PDE9A: variants seen among roughly 807,000 people sequenced by gnomAD.
PDE9A encodes phosphodiesterase 9A, also known as high affinity cGMP-specific 3',5'-cyclic phosphodiesterase 9A.
Under a neutral mutation model 87.4 loss-of-function variants are expected in PDE9A, and 60 were observed. The ratio of observed to expected loss-of-function variants is 0.69; its 90% CI spans 0.56 to 0.85. PDE9A has a LOEUF of 0.85. Among genes scored for constraint, PDE9A ranks in the 40% least tolerant of loss-of-function variants. PDE9A has a pLI of 0.00. For missense variants in PDE9A, 665 were observed against 779.0 expected (o/e 0.85, Z 1.74); for synonymous variants, 272 against 279.4 (o/e 0.97, Z 0.27).
chr21:42,765,845 C>G (rs894585933), intron 15 of PDE9A, among the ~76,000 whole-genome samples: 4 of 152,218 alleles, frequency 2.6e-5, no homozygotes, highest in Non-Finnish European at 5.9e-5. Flanking sequence ...GAAAGCCCAC[C>G]TATGTGGGGG....
At chr21:42,674,110 C>A (rs2058706986) in intron 1 of PDE9A, among the ~76,000 whole-genome samples, 1 of 152,142 alleles carries the variant, frequency 6.6e-6, no homozygotes, top group Non-Finnish European at 1.5e-5. Context: ...CAAGGTAACA[C>A]AGGCGACCAG....
intron 4 of PDE9A, among the ~76,000 whole-genome samples, chr21:42,712,068 C>CAA (rs60923158): frequency 0.011 from 1,552 of 147,110 alleles, 17 homozygotes; most frequent in Middle Eastern, 0.021. Context: ...TTGTCAATTT[C>CAA]AAAAAAAAAA....
chr21:42,704,539 C>T lies in PDE9A; in HGVS notation c.262+5528C>T, dbSNP rs1261944912. Among the ~76,000 whole-genome samples, 2 of 152,066 alleles carry T rather than the reference C, an allele frequency of 1.3e-5. No individual in the cohort carries two copies. The highest frequency in any genetic ancestry group is 2.9e-5 in the Non-Finnish European group (2 of 68,002). ...GGTTTGTCCTTAGGAATTCTTCACT[C>T]TCTCTATGGCAACAACCTTCCCTCT... On this transcript the variant is annotated intron_variant, in intron 4 of 19. Coordinates refer to ENST00000291539, the MANE Select transcript of PDE9A (RefSeq NM_002606.3). This position sits in a 1 kb window ranked among gnomAD's most constrained non-coding sequence, Gnocchi z 5.3.
Position 42,704,636 on chromosome 21 carries a change from C to T in PDE9A, c.262+5625C>T, listed in dbSNP as rs538031668. The stretch of plus-strand genomic sequence containing the variant: ...GGTCAGGAGTTAGCTCTAGCGACGC[C>T]GCCCTGAGTTCTGGCCTGTAAGCAA... On this transcript the variant is annotated intron_variant, in intron 4 of 19. Transcript: ENST00000291539. The surrounding 1 kb of genome is among the most constrained non-coding windows in gnomAD (Gnocchi z 5.3). Among the ~76,000 whole-genome samples the T allele has an allele frequency of 6.6e-6, 1 of 152,210 alleles. No individual in the cohort carries two copies. The highest frequency in any genetic ancestry group is 6.5e-5 in the Admixed American group (1 of 15,288).
intron 8 of PDE9A, among the ~76,000 whole-genome samples, chr21:42,748,576 A>C (rs1020964315): frequency 6.6e-6 from 1 of 152,216 alleles, no homozygotes; most frequent in Non-Finnish European, 1.5e-5. Flanking sequence ...GAAAACCTCC[A>C]AACTACACTG....
In PDE9A at chr21:42,705,041, C is replaced by T. The variant is rs371915041; in HGVS notation, c.262+6030C>T. ...ACAACCCCAGTGTGAGCTGCAGAGA[C>T]TTCTCTGGAGCGGTGAACAGCTCCT... On this transcript the variant is annotated intron_variant, in intron 4 of 19. Coordinates refer to ENST00000291539, the MANE Select transcript of PDE9A (RefSeq NM_002606.3). This position sits in a 1 kb window ranked among gnomAD's most constrained non-coding sequence, Gnocchi z 4.3. Among the ~76,000 whole-genome samples, 19 of 152,342 alleles carry T rather than the reference C, an allele frequency of 1.2e-4. No homozygotes were observed. In the South Asian group the frequency reaches 1.9e-3, roughly 15 times the overall value.
At chr21:42,697,512 TTCA>T (rs1341171902) in intron 3 of PDE9A, 1 of 1,460,894 alleles carries the variant, frequency 6.8e-7, no homozygotes, top group Non-Finnish European at 9.6e-7. Flanking sequence ...CATGTTTGTC[TTCA>T]TCTTCTTAAC....
chr21:42,673,796 C>T (rs996481048), intron 1 of PDE9A, among the ~76,000 whole-genome samples: 15 of 152,154 alleles, frequency 9.9e-5, no homozygotes, highest in African/African-American at 3.6e-4. Flanking sequence ...CTGCCTGCAC[C>T]GCTTTGCAGA....
At chr21:42,769,360 C>T (rs1292609813) in intron 17 of PDE9A, among the ~76,000 whole-genome samples, 2 of 150,522 alleles carry the variant, frequency 1.3e-5, no homozygotes, top group African/African-American at 4.9e-5. Flanking sequence ...CACACACAGG[C>T]ACACACTTGT....
chr21:42,654,457 G>A (rs919486695), intron 1 of PDE9A, among the ~76,000 whole-genome samples: 1 of 152,190 alleles, frequency 6.6e-6, no homozygotes, highest in Non-Finnish European at 1.5e-5. Flanking sequence ...TAGCGGACTT[G>A]AGTTACACGG....
rs375760902 is a variant in PDE9A, at chr21:42,687,946, A to G, written c.170A>G (p.Asp57Gly). 7.4e-6 allele frequency: 12 copies of G among 1,612,996 alleles called. No homozygotes were observed. The highest frequency in any genetic ancestry group is 1.0e-5 in the Non-Finnish European group (12 of 1,180,000). ...RNTTISLLTT[D>G]DAMVSIDPTM... ...ACGACCATCTCCCTGCTGACCACCG[A>G]CGACGCCATGGTCTCCATCGACCCC... Residue 57 changes from aspartate to glycine, a missense_variant, in exon 3 of 20, where the codon GAC (aspartate) becomes GGC (glycine). By Grantham distance (94) the Asp-to-Gly change is moderately conservative. Coordinates refer to ENST00000291539, the MANE Select transcript of PDE9A (RefSeq NM_002606.3).
At position 42,696,890 on chromosome 21, in the gene PDE9A, T is replaced by C. The variant is rs373224759; in HGVS notation, c.219-2078T>C. 6.6e-6 allele frequency among the ~76,000 whole-genome samples: 1 copy of C among 152,094 alleles called. No homozygotes were observed. On this transcript the variant is annotated intron_variant, in intron 3 of 19. Transcript: ENST00000291539. This position sits in a 1 kb window ranked among gnomAD's most constrained non-coding sequence, Gnocchi z 5.1. The stretch of plus-strand genomic sequence containing the variant: ...ATGACGACCGAGTGCCCTCTCCACC[T>C]GGGGAGCTTGGAGGACTTTGCTCTG...
At chr21:42,715,924 C>T (rs917511596) in intron 4 of PDE9A, among the ~76,000 whole-genome samples, 13 of 151,860 alleles carry the variant, frequency 8.6e-5, no homozygotes, top group Non-Finnish European at 1.2e-4. Context: ...TCATCCCTCC[C>T]GCCCCAAGCC....
rs2058440498 is a variant in PDE9A, at chr21:42,670,417, CACGCACTT to C, written c.70-15772_70-15765del. Among the ~76,000 whole-genome samples, 7 of 71,230 alleles carry C rather than the reference CACGCACTT, an allele frequency of 9.8e-5. No homozygotes were observed. In the African/African-American group the frequency reaches 9.9e-4, roughly 10 times the overall value. 46.7% of individuals were successfully genotyped at this position (71,230 alleles called of 152,430 possible). On this transcript the variant is annotated intron_variant, in intron 1 of 19. Coordinates refer to ENST00000291539, the MANE Select transcript of PDE9A (RefSeq NM_002606.3). ...TCACAAACATTCACACATACATTCACACGCACTTACAGTCACACATACACTTATACACA... is the reference window on the plus strand; with the variant it reads ...TCACAAACATTCACACATACATTCACACAGTCACACATACACTTATACACA...
At chr21:42,744,039 T>C (rs149350541) in intron 8 of PDE9A, among the ~76,000 whole-genome samples, 179 bp downstream of exon 8, 140 of 152,252 alleles carry the variant, frequency 9.2e-4, no homozygotes, top group Non-Finnish European at 1.5e-3. Flanking sequence ...TTGTCAGTGG[T>C]GTGACTTTCT....
intron 8 of PDE9A, 100 bp downstream of exon 8, chr21:42,743,960 G>T: frequency 2.7e-6 from 2 of 729,560 alleles, no homozygotes; most frequent in South Asian, 1.6e-5. Context: ...AAGAAAGGCT[G>T]GTGCAGTTCG....
chr21:42,680,287 TAGCC>T (rs1378433900), intron 1 of PDE9A, among the ~76,000 whole-genome samples: 1 of 152,174 alleles, frequency 6.6e-6, no homozygotes, highest in East Asian at 1.9e-4. Flanking sequence ...GATTGGGAGC[TAGCC>T]AGCGGGGCTT....
chr21:42,706,292 T>G (rs2048828483), intron 4 of PDE9A, among the ~76,000 whole-genome samples: 1 of 152,236 alleles, frequency 6.6e-6, no homozygotes, highest in African/African-American at 2.4e-5. Context: ...ATTTTTATAT[T>G]GATTTCATGT....
chr21:42,700,506 C>T (rs546572187), intron 4 of PDE9A, among the ~76,000 whole-genome samples: 41 of 152,262 alleles, frequency 2.7e-4, no homozygotes, highest in African/African-American at 7.5e-4. Context: ...GTTTCTCTCA[C>T]GACCAGCCTG....
Sources: gnomAD v4.1 joint callset for allele counts (sites outside exome capture counted in the v4.1 genomes callset) on GRCh38, gnomAD v4.1.1 for gene constraint, Gnocchi (gnomAD v3.1) non-coding constraint, MANE v1.5 for transcripts, NCBI Gene and HGNC (gene_info 2026-07-23, HGNC 2026-07-21) for gene names.